MGAT5: variants seen among roughly 807,000 people sequenced by gnomAD.
MGAT5 encodes alpha-1,6-mannosylglycoprotein 6-beta-N-acetylglucosaminyltransferase A.
Under a neutral mutation model 94.3 loss-of-function variants are expected in MGAT5, and 30 were observed. The observed-to-expected ratio is 0.32, with a 90% CI of 0.24 to 0.43. The LOEUF (loss-of-function observed/expected upper bound fraction) is 0.43, where lower values mean the gene tolerates loss of function less well. MGAT5 is among the 20% of genes least tolerant of loss of function. The probability of loss-of-function intolerance (pLI) is 1.00; values close to 1 mark genes in which losing one functional copy is unlikely to be tolerated. For synonymous variants in MGAT5, 310 were observed against 322.9 expected (o/e 0.96, Z 0.43); for missense variants, 691 against 905.5 (o/e 0.76, Z 3.04).
At chr2:134,370,391 G>T (rs936340102) in intron 10 of MGAT5, among the ~76,000 whole-genome samples, 1 of 152,216 alleles carries the variant, frequency 6.6e-6, no homozygotes, top group African/African-American at 2.4e-5. Context: ...ACTCAAATTG[G>T]CATATATTTT....
At chr2:134,345,816 G>C (rs1378392141) in intron 8 of MGAT5, among the ~76,000 whole-genome samples, 1 of 152,074 alleles carries the variant, frequency 6.6e-6, no homozygotes, top group Non-Finnish European at 1.5e-5. Flanking sequence ...GTGAGTCTCA[G>C]CATTCAGCAG....
At chr2:134,155,201 A>G (rs1211653998) in intron 1 of MGAT5, among the ~76,000 whole-genome samples, 1 of 152,204 alleles carries the variant, frequency 6.6e-6, no homozygotes, top group African/African-American at 2.4e-5. Context: ...TGTCTTGGAC[A>G]TCTCTGCTGC....
At chr2:134,271,646 A>G (rs1421183429) in intron 2 of MGAT5, among the ~76,000 whole-genome samples, 1 of 152,156 alleles carries the variant, frequency 6.6e-6, no homozygotes, top group East Asian at 1.9e-4. Context: ...TACCTTTTTT[A>G]ATGTTCTTTG....
chr2:134,377,791 C>T lies in MGAT5; in HGVS notation c.1380+15383C>T, dbSNP rs78242482. 5.9e-5 allele frequency among the ~76,000 whole-genome samples: 9 copies of T among 152,272 alleles called. No homozygotes were observed. In the East Asian group the frequency reaches 1.7e-3, roughly 29 times the overall value. On this transcript the variant is annotated intron_variant, in intron 10 of 15. Coordinates refer to ENST00000281923, the MANE Select transcript of MGAT5 (RefSeq NM_002410.5). ...TTTCATGTTGAGTACTTTTTCCTCACCTGTTTTTCCATTCCTGTTAGCCGG... is the reference window on the plus strand; with the variant it reads ...TTTCATGTTGAGTACTTTTTCCTCATCTGTTTTTCCATTCCTGTTAGCCGG...
At chr2:134,343,801 A>G (rs1688765775) in intron 7 of MGAT5, among the ~76,000 whole-genome samples, 1 of 152,208 alleles carries the variant, frequency 6.6e-6, no homozygotes, top group South Asian at 2.1e-4. Context: ...ATGGGAACAC[A>G]GCCATGCCTA....
At chr2:134,383,416 G>T (rs1448707739) in intron 10 of MGAT5, among the ~76,000 whole-genome samples, 1 of 152,072 alleles carries the variant, frequency 6.6e-6, no homozygotes, top group Non-Finnish European at 1.5e-5. Context: ...CTTATAAAAC[G>T]CCAAATGCCT....
At chr2:134,279,242 C>G (rs1684555167) in intron 2 of MGAT5, among the ~76,000 whole-genome samples, 1 of 152,210 alleles carries the variant, frequency 6.6e-6, no homozygotes, top group Non-Finnish European at 1.5e-5. Flanking sequence ...TGACAGGTCC[C>G]TGAATCCTTT....
rs1553458949 is a variant in MGAT5, at chr2:134,387,301, G to GATATATATATATAT, written c.1381-15668_1381-15655dup. ...AAATAAAAAATAAAAAGTTATGTAT[G>GATATATATATATAT]ATATATATATATATATATATATATA... On this transcript the variant is annotated intron_variant, in intron 10 of 15. Transcript: ENST00000281923. Among the ~76,000 whole-genome samples, 181 of 42,490 alleles carry GATATATATATATAT rather than the reference G, an allele frequency of 4.3e-3. 2 individuals are homozygous for GATATATATATATAT. The highest frequency in any genetic ancestry group is 6.0e-3 in the Admixed American group (15 of 2,512). 27.9% of individuals were successfully genotyped at this position (42,490 alleles called of 152,430 possible).
intron 4 of MGAT5, among the ~76,000 whole-genome samples, chr2:134,329,838 T>G (rs933806872): frequency 6.6e-6 from 1 of 152,088 alleles, no homozygotes; most frequent in Non-Finnish European, 1.5e-5. Context: ...ATTAATCAAC[T>G]CAGGTGTTGG....
intron 10 of MGAT5, among the ~76,000 whole-genome samples, chr2:134,384,256 G>A (rs1681823748): frequency 6.8e-6 from 1 of 147,634 alleles, no homozygotes; most frequent in South Asian, 2.2e-4. Flanking sequence ...CCAGATGTAC[G>A]CTGTGCCCAA....
intron 1 of MGAT5, among the ~76,000 whole-genome samples, chr2:134,128,126 T>C (rs562633311): frequency 4.0e-5 from 6 of 151,360 alleles, no homozygotes; most frequent in Non-Finnish European, 8.8e-5. Context: ...CCCAGCACTC[T>C]CAGAGGCTGA....
chr2:134,202,681 G>T (rs1385786336), intron 1 of MGAT5, among the ~76,000 whole-genome samples: 1 of 152,234 alleles, frequency 6.6e-6, no homozygotes, highest in Admixed American at 6.5e-5. Flanking sequence ...TGTGAGATAA[G>T]CAGTGTCTTC....
chr2:134,376,835 C>T (rs576933275), intron 10 of MGAT5, among the ~76,000 whole-genome samples: 40 of 152,180 alleles, frequency 2.6e-4, no homozygotes, highest in Non-Finnish European at 5.1e-4. Context: ...CCCCTGAAAA[C>T]GGTACTCATT....
chr2:134,189,602 G>T (rs72846725), intron 1 of MGAT5, among the ~76,000 whole-genome samples: 5,310 of 83,396 alleles, frequency 0.064, 367 homozygotes, highest in East Asian at 0.18. Flanking sequence ...GTTTTTTTTT[G>T]TTTTTTTTTT....
intron 10 of MGAT5, among the ~76,000 whole-genome samples, chr2:134,381,394 A>ATAGATTAAGATAAGATAGAT (rs1558841849): frequency 1.8e-4 from 19 of 107,552 alleles, no homozygotes; most frequent in Admixed American, 5.6e-4. Context: ...AGATAGATAG[A>ATAGATTAAGATAAGATAGAT]TAGATAGATA....
intron 1 of MGAT5, among the ~76,000 whole-genome samples, chr2:134,204,681 AT>A (rs1459080850): frequency 6.6e-6 from 1 of 152,116 alleles, no homozygotes; most frequent in African/African-American, 2.4e-5. Flanking sequence ...AACCAAGGAG[AT>A]TGACTAACAC....
At chr2:134,319,474 G>A (rs1326461138) in intron 4 of MGAT5, among the ~76,000 whole-genome samples, 5 of 152,028 alleles carry the variant, frequency 3.3e-5, no homozygotes, top group Non-Finnish European at 7.4e-5. Context: ...AAAAAAAAAT[G>A]TTATAAGTAA....
rs1162442446 is a variant in MGAT5, at chr2:134,341,616, C to T, written c.834C>T (p.Thr278=). The part of the protein sequence containing the change: ...KKVLVHLGLL[T]KESGFKIAET... Reference sequence around the variant, plus strand: ...TCCTCGTTCACCTGGGACTCCTGACCAAGGAATCTGGATTTAAGATTGCAG... The same window carrying T: ...TCCTCGTTCACCTGGGACTCCTGACTAAGGAATCTGGATTTAAGATTGCAG... The change falls in exon 7 of 16, where the codon ACC becomes ACT. Residue 278 remains threonine (T), a synonymous_variant. Coordinates refer to ENST00000281923, the MANE Select transcript of MGAT5 (RefSeq NM_002410.5). 6.2e-7 allele frequency: 1 copy of T among 1,613,162 alleles called. No homozygotes were observed. The highest frequency in any genetic ancestry group is 8.5e-7 in the Non-Finnish European group (1 of 1,179,582).
At chr2:134,289,336 C>T (rs1685204575) in intron 2 of MGAT5, among the ~76,000 whole-genome samples, 1 of 152,204 alleles carries the variant, frequency 6.6e-6, no homozygotes, top group Non-Finnish European at 1.5e-5. Flanking sequence ...GCCGATCTCT[C>T]TTCTGTGGCC....
Sources: allele counts gnomAD v4.1 joint callset (sites outside exome capture counted in the v4.1 genomes callset), GRCh38; gene constraint gnomAD v4.1.1; transcripts MANE v1.5; gene names NCBI Gene and HGNC (gene_info 2026-07-23, HGNC 2026-07-21).